B3GLCT: variants seen among roughly 807,000 people sequenced by gnomAD.
The protein encoded by B3GLCT is beta 3-glucosyltransferase.
B3GLCT carries 65 observed loss-of-function variants against 63.4 expected under a neutral mutation model. The observed-to-expected ratio is 1.03, with a 90% confidence interval of 0.84 to 1.26. The LOEUF (loss-of-function observed/expected upper bound fraction) is 1.26, where lower values mean the gene tolerates loss of function less well. B3GLCT is among the 50% of genes most tolerant of loss of function. The pLI is 0.00. For missense variants in B3GLCT, 577 were observed against 604.8 expected, an observed-to-expected ratio of 0.95 and a Z score of 0.48; for synonymous variants, 233 against 219.2, an observed-to-expected ratio of 1.06 and a Z score of -0.55.
chr13:31,265,767 A>G (rs995872973), intron 7 of B3GLCT, among the ~76,000 whole-genome samples: 2 of 152,156 alleles, frequency 1.3e-5, no homozygotes, highest in Non-Finnish European at 2.9e-5. Flanking sequence ...AGCAAACCTT[A>G]TCGAGATTTC....
At chr13:31,297,132 T>C (rs1873988774) in intron 12 of B3GLCT, among the ~76,000 whole-genome samples, 2 of 152,226 alleles carry the variant, frequency 1.3e-5, no homozygotes, top group South Asian at 4.1e-4. Flanking sequence ...CTGAATAACA[T>C]TCCTTGGATA....
Position 31,253,614 on chromosome 13 carries a change from A to AAAAAAAAC in B3GLCT, c.459+5649_459+5656dup, listed in dbSNP as rs1566064260. Among the ~76,000 whole-genome samples, 21 of 62,858 alleles carry AAAAAAAAC rather than the reference A, an allele frequency of 3.3e-4. 4 individuals carry two copies. The highest frequency in any genetic ancestry group is 3.6e-3 in the East Asian group (2 of 552). The allele number at this position is 62,858 out of a possible 152,430, so 41.2% of individuals were successfully genotyped here. On this transcript the variant is annotated intron_variant, in intron 6 of 14. Transcript: ENST00000343307. ...CCATCTCAAAAAAAAAAAAAAAAAA[A>AAAAAAAAC]AAAAAAACTAGAGAAGCAAGAGCAA...
At chr13:31,239,855 T>TAA (rs1285926941) in intron 4 of B3GLCT, among the ~76,000 whole-genome samples, 1 of 152,156 alleles carries the variant, frequency 6.6e-6, no homozygotes, top group African/African-American at 2.4e-5. Flanking sequence ...GGAGAGAAGA[T>TAA]AAAGCATAAT....
chr13:31,286,891 C>A (rs772264586), intron 12 of B3GLCT, 72 bp downstream of exon 12: 10 of 1,039,778 alleles, frequency 9.6e-6, no homozygotes, highest in Admixed American at 2.0e-5. Context: ...TAGATGGGTA[C>A]TTTTTCTGGC....
chr13:31,226,420 C>A (rs1439093233), intron 3 of B3GLCT, among the ~76,000 whole-genome samples: 1 of 152,154 alleles, frequency 6.6e-6, no homozygotes, highest in Non-Finnish European at 1.5e-5. Flanking sequence ...AGGACAGATA[C>A]AACTCACAGG....
intron 12 of B3GLCT, among the ~76,000 whole-genome samples, chr13:31,288,727 A>G (rs1873479345): frequency 6.6e-6 from 1 of 152,196 alleles, no homozygotes; most frequent in Non-Finnish European, 1.5e-5. Context: ...CCAACAACAT[A>G]TATACATCTT....
At chr13:31,224,999 A>AT (rs975679513) in intron 3 of B3GLCT, among the ~76,000 whole-genome samples, 1 of 152,066 alleles carries the variant, frequency 6.6e-6, no homozygotes, top group African/African-American at 2.4e-5. Flanking sequence ...TTCAGCATCC[A>AT]TTTTCTAACT....
At chr13:31,253,418 C>T (rs924918491) in intron 6 of B3GLCT, among the ~76,000 whole-genome samples, 4 of 151,592 alleles carry the variant, frequency 2.6e-5, no homozygotes, top group South Asian at 2.1e-4. Flanking sequence ...GATGAAACCC[C>T]GTCTCTACTA....
chr13:31,304,349 G>C (rs1428391855), intron 12 of B3GLCT, among the ~76,000 whole-genome samples: 1 of 13,988 alleles, frequency 7.1e-5, no homozygotes, highest in African/African-American at 8.6e-5. Context: ...AATATAAATT[G>C]ACTAAATTCT....
chr13:31,312,538 A>G (rs1412162856), intron 12 of B3GLCT: 4 of 152,254 alleles, frequency 2.6e-5, no homozygotes, highest in Non-Finnish European at 4.4e-5. Context: ...GTGGAAACAA[A>G]TTTAGTACAA....
intron 12 of B3GLCT, among the ~76,000 whole-genome samples, chr13:31,308,742 A>G (rs1449142199): frequency 6.6e-6 from 1 of 152,194 alleles, no homozygotes; most frequent in Admixed American, 6.5e-5. Flanking sequence ...GTTCCTTTAC[A>G]CCATACCCTC....
intron 13 of B3GLCT, 25 bp downstream of exon 13, chr13:31,317,710 A>T (rs761992360): frequency 1.2e-6 from 2 of 1,613,452 alleles, no homozygotes. Flanking sequence ...AGCTTTCTTC[A>T]ACTACTTTAA....
intron 2 of B3GLCT, 68 bp downstream of exon 2, chr13:31,215,168 T>C (rs1265457272): frequency 7.3e-7 from 1 of 1,372,144 alleles, no homozygotes; most frequent in African/African-American, 1.4e-5. Flanking sequence ...CTGATAGGAA[T>C]AGTAATCATT....
chr13:31,262,779 T>G (rs1872101640), intron 7 of B3GLCT, among the ~76,000 whole-genome samples: 1 of 152,184 alleles, frequency 6.6e-6, no homozygotes, highest in Non-Finnish European at 1.5e-5. Context: ...TCCTCAAGTA[T>G]TCTTCTCATC....
chr13:31,284,690 T>A lies in B3GLCT; in HGVS notation c.893T>A (p.Ile298Asn). The A allele has an allele frequency of 1.9e-6, 3 of 1,611,938 alleles. No individual in the cohort carries two copies. In the South Asian group the frequency reaches 3.3e-5, roughly 18 times the overall value. Reference sequence around the variant, plus strand: ...ACTTGGGAGAGCCAGGCAAGTCTCATTGAATACTATAGTGACTATACTGAA... The same window carrying A: ...ACTTGGGAGAGCCAGGCAAGTCTCAATGAATACTATAGTGACTATACTGAA... Reference protein sequence around the residue: ...KQTWESQASLIEYYSDYTENS... With the variant: ...KQTWESQASLNEYYSDYTENS... The change falls in exon 11 of 15, where the codon ATT (isoleucine) becomes AAT (asparagine). Residue 298 changes from isoleucine to asparagine, a missense_variant. Transcript: ENST00000343307.
chr13:31,285,407 CTG>C (rs1873270641), intron 11 of B3GLCT, among the ~76,000 whole-genome samples: 1 of 152,054 alleles, frequency 6.6e-6, no homozygotes, highest in African/African-American at 2.4e-5. Context: ...GACTTCACCA[CTG>C]TACAATATGT....
At chr13:31,216,933 G>A (rs1346509868) in intron 2 of B3GLCT, among the ~76,000 whole-genome samples, 1 of 152,176 alleles carries the variant, frequency 6.6e-6, no homozygotes, top group Non-Finnish European at 1.5e-5. Context: ...TGTCTTTATG[G>A]CAGAACAATT....
intron 12 of B3GLCT, among the ~76,000 whole-genome samples, chr13:31,296,622 G>A (rs1566087147): frequency 6.6e-6 from 1 of 152,166 alleles, no homozygotes; most frequent in Non-Finnish European, 1.5e-5. Context: ...TCTTCTCTTA[G>A]TATAGATTAT....
intron 12 of B3GLCT, among the ~76,000 whole-genome samples, chr13:31,298,644 A>G (rs971795949): frequency 1.1e-4 from 16 of 152,140 alleles, no homozygotes; most frequent in Non-Finnish European, 1.9e-4. Context: ...TTAATACCCA[A>G]ATGTTTCCAC....
Sources: gnomAD v4.1 joint callset for allele counts (sites outside exome capture counted in the v4.1 genomes callset) on GRCh38, gnomAD v4.1.1 for gene constraint, MANE v1.5 for transcripts, NCBI Gene and HGNC (gene_info 2026-07-23, HGNC 2026-07-21) for gene names.